PDXDC1: variants seen among roughly 807,000 people sequenced by gnomAD.
PDXDC1 encodes pyridoxal-dependent decarboxylase domain-containing protein 1.
Under a neutral mutation model 100.1 loss-of-function variants are expected in PDXDC1, and 42 were observed. That is an observed-to-expected ratio of 0.42 (90% CI 0.33 to 0.54). PDXDC1 has a LOEUF of 0.54. PDXDC1 is among the 20% of genes least tolerant of loss of function. The probability of loss-of-function intolerance (pLI) is 0.10; values close to 1 mark genes in which losing one functional copy is unlikely to be tolerated. For missense variants in PDXDC1, 636 were observed against 979.2 expected (o/e 0.65, Z 4.68); for synonymous variants, 260 against 371.7 (o/e 0.70, Z 3.46).
At chr16:14,993,660 T>C (rs1428902310) in intron 1 of PDXDC1, among the ~76,000 whole-genome samples, 2 of 152,292 alleles carry the variant, frequency 1.3e-5, no homozygotes, top group Non-Finnish European at 2.9e-5. Context: ...ATATACCCAG[T>C]AATGGGATGG....
chr16:15,017,498 A>C lies in PDXDC1; in HGVS notation c.963+76A>C, dbSNP rs1353863200. 9 of 1,029,170 alleles carry C rather than the reference A, an allele frequency of 8.7e-6. No individual in the cohort carries two copies. In the Admixed American group the frequency reaches 2.0e-4, roughly 23 times the overall value. The allele number at this position is 1,029,170 out of a possible 1,614,324, so 63.8% of individuals were successfully genotyped here. A position where few individuals can be genotyped will look rare whatever the true frequency, so the allele number is the denominator to read the frequency against. On this transcript the variant is annotated intron_variant, in intron 11 of 22. Coordinates refer to ENST00000396410, the MANE Select transcript of PDXDC1 (RefSeq NM_015027.4). Reference sequence around the variant, plus strand: ...TGGCTTTGGGGGCAAAATCCAGAAAAATACAGGAAAAAGTGAAAAATACCC... The same window carrying C: ...TGGCTTTGGGGGCAAAATCCAGAAACATACAGGAAAAAGTGAAAAATACCC...
intron 16 of PDXDC1, chr16:15,047,320 G>A: frequency 1.4e-6 from 1 of 706,948 alleles, no homozygotes. Context: ...TTCTGTTCCA[G>A]GGGAACGAGG....
intron 16 of PDXDC1, among the ~76,000 whole-genome samples, chr16:15,083,355 C>T (rs902207018): frequency 9.9e-5 from 15 of 151,930 alleles, no homozygotes; most frequent in African/African-American, 2.7e-4. Flanking sequence ...GCCAAGATGA[C>T]GCCATTGCAC....
chr16:15,127,505 C>G (rs566322227), intron 16 of PDXDC1: 1 of 1,556,098 alleles, frequency 6.4e-7, no homozygotes, highest in African/African-American at 1.4e-5. Flanking sequence ...AAGAGGATGG[C>G]CAGGTAGACG....
At chr16:15,144,187 G>A (rs2048517988), downstream of PDXDC1, among the ~76,000 whole-genome samples, 1 of 152,188 alleles carries the variant, frequency 6.6e-6, no homozygotes. Context: ...GGGGTGCAGT[G>A]TGGGCGCTGG....
intron 16 of PDXDC1, among the ~76,000 whole-genome samples, chr16:15,129,166 G>A (rs888553360): frequency 1.4e-4 from 22 of 151,794 alleles, no homozygotes; most frequent in African/African-American, 4.1e-4. Flanking sequence ...AAAGCAGCAC[G>A]GAAATAAAAA....
At position 15,123,292 on chromosome 16, in the gene PDXDC1, T is replaced by C. The variant is rs2047530333; in HGVS notation, c.1400-15587T>C. The C allele has an allele frequency of 1.2e-5, 17 of 1,463,084 alleles. 1 individual carries two copies. The South Asian group carries it at 1.7e-4, about 15-fold the overall frequency. 90.6% of individuals were successfully genotyped at this position (1,463,084 alleles called of 1,614,324 possible). A position where few individuals can be genotyped will look rare whatever the true frequency, so the allele number is the denominator to read the frequency against. ...GTCCTCTCTGGAACCTTCACAAACCTGATTTCTGGTCCACCCCAACCAGCT... is the reference window on the plus strand; with the variant it reads ...GTCCTCTCTGGAACCTTCACAAACCCGATTTCTGGTCCACCCCAACCAGCT... On this transcript the variant is annotated intron_variant, in intron 16 of 16. Coordinates refer to the PDXDC1 transcript ENST00000535621.
chr16:15,128,805 G>A (rs952655330), intron 16 of PDXDC1, among the ~76,000 whole-genome samples: 3 of 150,788 alleles, frequency 2.0e-5, no homozygotes, highest in Non-Finnish European at 4.4e-5. Context: ...CCAGGTGACA[G>A]TATTTTTTTT....
intron 13 of PDXDC1, chr16:15,026,294 A>G (rs1255845295): frequency 6.1e-6 from 2 of 330,090 alleles, no homozygotes; most frequent in African/African-American, 2.1e-5. Flanking sequence ...TCTTGAAAGC[A>G]TGGGCTCTCT....
intron 1 of PDXDC1, among the ~76,000 whole-genome samples, chr16:14,987,939 A>G (rs1215592240): frequency 6.6e-6 from 1 of 151,982 alleles, no homozygotes; most frequent in Non-Finnish European, 1.5e-5. Context: ...AACATTATCA[A>G]ACATTTTCCT....
chr16:15,005,325 ACT>A (rs1448899676), intron 5 of PDXDC1, among the ~76,000 whole-genome samples: 7 of 151,688 alleles, frequency 4.6e-5, no homozygotes, highest in East Asian at 2.0e-4. Context: ...AAAAAAGAAA[ACT>A]CTGTCATAAG....
At chr16:15,057,787 T>A (rs1333537188) in intron 16 of PDXDC1, among the ~76,000 whole-genome samples, 2 of 152,204 alleles carry the variant, frequency 1.3e-5, no homozygotes, top group Admixed American at 6.5e-5. Context: ...CATTTGGAAG[T>A]GCAAAGGTGA....
At chr16:15,080,720 C>A (rs2045661724) in intron 16 of PDXDC1, among the ~76,000 whole-genome samples, 1 of 152,160 alleles carries the variant, frequency 6.6e-6, no homozygotes, top group Admixed American at 6.5e-5. Flanking sequence ...CTGCGCCCAG[C>A]CAGCAATTTT....
intron 16 of PDXDC1, chr16:15,065,296 G>T (rs773259277): frequency 1.2e-6 from 2 of 1,613,656 alleles, no homozygotes; most frequent in Non-Finnish European, 8.5e-7. Context: ...CTCCTCCAGC[G>T]GTACTCCTAA....
chr16:15,123,314 A>C, intron 16 of PDXDC1: 2 of 1,405,682 alleles, frequency 1.4e-6, no homozygotes, highest in Admixed American at 3.9e-5. Flanking sequence ...CACCCCAACC[A>C]GCTCCCTGTC....
intron 16 of PDXDC1, chr16:15,044,653 C>T (rs1423237894): frequency 7.3e-6 from 4 of 549,542 alleles, no homozygotes; most frequent in East Asian, 3.0e-5. Flanking sequence ...AATGTGATGC[C>T]GCCTCCATGC....
chr16:15,093,006 C>G (rs1368197588), intron 16 of PDXDC1, among the ~76,000 whole-genome samples: 7 of 151,974 alleles, frequency 4.6e-5, no homozygotes, highest in African/African-American at 1.4e-4. Flanking sequence ...CTCTACGTGG[C>G]TGGATTTTTT....
intron 16 of PDXDC1, chr16:15,130,412 G>A (rs777761445): frequency 1.9e-5 from 29 of 1,556,060 alleles, no homozygotes; most frequent in East Asian, 2.3e-5. Context: ...GGCGGAAGTG[G>A]CTGGAGAGGT....
At chr16:15,144,247 C>T (rs915354761), downstream of PDXDC1, among the ~76,000 whole-genome samples, 6 of 152,334 alleles carry the variant, frequency 3.9e-5, no homozygotes, top group Admixed American at 6.5e-5. Context: ...GCCCCTTCCT[C>T]GCTGGGCCAG....
Sources: allele counts gnomAD v4.1 joint callset (sites outside exome capture counted in the v4.1 genomes callset), GRCh38; gene constraint gnomAD v4.1.1; transcripts MANE v1.5; gene names NCBI Gene and HGNC (gene_info 2026-07-23, HGNC 2026-07-21).